The following PAPPA2 variants were observed in gnomAD, a reference collection of about 807,000 sequenced individuals.
The protein encoded by PAPPA2 is pappalysin-2.
Under a neutral mutation model 176.4 loss-of-function variants are expected in PAPPA2, and 86 were observed. The ratio of observed to expected loss-of-function variants is 0.49; its 90% CI spans 0.41 to 0.58. The LOEUF (loss-of-function observed/expected upper bound fraction) is 0.58. PAPPA2 is among the 20% of genes least tolerant of loss of function. The pLI, the probability that PAPPA2 is intolerant of heterozygous loss-of-function variation, is 0.00. For synonymous variants in PAPPA2, 809 were observed against 852.2 expected (o/e 0.95, Z 0.88); for missense variants, 2,073 against 2,256.9 (o/e 0.92, Z 1.65).
At chr1:176,692,498 C>G (rs1324226771) in intron 6 of PAPPA2, among the ~76,000 whole-genome samples, 180 bp downstream of exon 6, 1 of 152,212 alleles carries the variant, frequency 6.6e-6, no homozygotes, top group African/African-American at 2.4e-5. Context: ...CTCATGGGCT[C>G]TCTTGTGAGC....
intron 12 of PAPPA2, among the ~76,000 whole-genome samples, chr1:176,717,729 A>G (rs1661442063): frequency 1.3e-5 from 2 of 152,256 alleles, no homozygotes; most frequent in Admixed American, 6.5e-5. Context: ...TTCTGCATCT[A>G]TTGAGATGAT....
intron 14 of PAPPA2, among the ~76,000 whole-genome samples, chr1:176,749,751 T>C (rs1663080007): frequency 6.6e-6 from 1 of 152,258 alleles, no homozygotes; most frequent in Non-Finnish European, 1.5e-5. Context: ...GATTAGCTTC[T>C]TTCACATTGT....
intron 4 of PAPPA2, among the ~76,000 whole-genome samples, chr1:176,672,583 A>G (rs1659072882): frequency 6.6e-6 from 1 of 152,160 alleles, no homozygotes; most frequent in Admixed American, 6.6e-5. Flanking sequence ...ACCAAAAAAA[A>G]AAAGAAAAGA....
At chr1:176,791,173 A>ATTTTTTTTTTTTTTT (rs57185368) in intron 18 of PAPPA2, among the ~76,000 whole-genome samples, 174 bp from the exon 19 acceptor site, 2 of 80,880 alleles carry the variant, frequency 2.5e-5, no homozygotes, top group Admixed American at 1.3e-4. Context: ...AAAGCAAAGA[A>ATTTTTTTTTTTTTTT]TTTTTTTTTT....
At chr1:176,831,805 G>GT (rs931427435) in intron 21 of PAPPA2, among the ~76,000 whole-genome samples, 2 of 152,152 alleles carry the variant, frequency 1.3e-5, no homozygotes, top group African/African-American at 4.8e-5. Flanking sequence ...ATGGTTTGGG[G>GT]TTTTTTTCAG....
At chr1:176,788,893 T>C (rs1057307467) in intron 17 of PAPPA2, among the ~76,000 whole-genome samples, 3 of 152,230 alleles carry the variant, frequency 2.0e-5, no homozygotes, top group Admixed American at 6.5e-5. Flanking sequence ...AGAAAACTCA[T>C]ATTGCTGCAC....
At chr1:176,682,826 T>C (rs1235072322) in intron 4 of PAPPA2, among the ~76,000 whole-genome samples, 1 of 152,094 alleles carries the variant, frequency 6.6e-6, no homozygotes, top group African/African-American at 2.4e-5. Context: ...CTTTGTCTGC[T>C]CATTGTGGAC....
intron 17 of PAPPA2, among the ~76,000 whole-genome samples, chr1:176,779,476 TCACACACACA>T (rs376976102): frequency 1.4e-3 from 181 of 126,966 alleles, no homozygotes; most frequent in South Asian, 4.8e-3. Flanking sequence ...TCCATACTCA[TCACACACACA>T]CACACACACA....
chr1:176,785,369 T>A (rs1049334278), intron 17 of PAPPA2, among the ~76,000 whole-genome samples: 4 of 151,962 alleles, frequency 2.6e-5, no homozygotes, highest in Admixed American at 6.6e-5. Context: ...GCTAGAAGGC[T>A]GTGGGTGAGG....
In PAPPA2 at chr1:176,543,664, A is replaced by T. The variant is rs115653786; in HGVS notation, c.-916-11743A>T. 5.9e-3 allele frequency among the ~76,000 whole-genome samples: 903 copies of T among 152,144 alleles called. 8 individuals are homozygous for T. Among genetic ancestry groups the T allele is most frequent in the African/African-American group, 0.021 (864 of 41,510 alleles). On this transcript the variant is annotated intron_variant, in intron 1 of 22. Coordinates refer to ENST00000367662, the MANE Select transcript of PAPPA2 (RefSeq NM_020318.3). ...TTCATCTCCAATGCCACACCTGGGG[A>T]TGGTGGAAGGACTGAGAGTGTTCTT...
chr1:176,577,707 T>C (rs1481942152), intron 2 of PAPPA2, among the ~76,000 whole-genome samples: 2 of 152,038 alleles, frequency 1.3e-5, no homozygotes, highest in African/African-American at 4.8e-5. Flanking sequence ...TCATGCTCTC[T>C]CTGGGGGGTC....
At chr1:176,587,138 T>G (rs970658609) in intron 2 of PAPPA2, among the ~76,000 whole-genome samples, 1 of 149,600 alleles carries the variant, frequency 6.7e-6, no homozygotes, top group Non-Finnish European at 1.5e-5. Flanking sequence ...GGGTTGTTTG[T>G]TTTTTTTTTC....
intron 2 of PAPPA2, among the ~76,000 whole-genome samples, chr1:176,569,137 C>A (rs1652161014): frequency 6.6e-6 from 1 of 152,180 alleles, no homozygotes; most frequent in African/African-American, 2.4e-5. Flanking sequence ...CACATGTGCA[C>A]AGATATACAT....
chr1:176,781,365 C>CTTTTTTTTTTTTT lies in PAPPA2; in HGVS notation c.4716-8423_4716-8411dup, dbSNP rs35029858. On this transcript the variant is annotated intron_variant, in intron 17 of 22. Coordinates refer to ENST00000367662, the MANE Select transcript of PAPPA2 (RefSeq NM_020318.3). ...CATGTGAGAAGAGCTTTGTAAGGGGCTTTTTTTTTTTTTTTTTTTTTTTTT... is the reference window on the plus strand; with the variant it reads ...CATGTGAGAAGAGCTTTGTAAGGGGCTTTTTTTTTTTTTTTTTTTTTTTTTTTTTTTTTTTTTT... Among the ~76,000 whole-genome samples, 6 of 46,240 alleles carry CTTTTTTTTTTTTT rather than the reference C, an allele frequency of 1.3e-4. 1 individual carries two copies. The highest frequency in any genetic ancestry group is 1.7e-4 in the African/African-American group (2 of 11,858). 30.3% of individuals were successfully genotyped at this position (46,240 alleles called of 152,430 possible).
intron 11 of PAPPA2, 49 bp from the exon 12 acceptor site, chr1:176,711,786 A>G (rs757566017): frequency 2.6e-6 from 4 of 1,555,080 alleles, no homozygotes; most frequent in Non-Finnish European, 3.5e-6. Context: ...GTCCTTACTT[A>G]TATCTTCACA....
At chr1:176,684,360 G>T (rs546039228) in intron 4 of PAPPA2, among the ~76,000 whole-genome samples, 1 of 152,256 alleles carries the variant, frequency 6.6e-6, no homozygotes, top group East Asian at 1.9e-4. Context: ...AGCCTTGCAG[G>T]ATGGGCGTTG....
chr1:176,568,172 C>A (rs1652095639), intron 2 of PAPPA2, among the ~76,000 whole-genome samples: 1 of 152,092 alleles, frequency 6.6e-6, no homozygotes, highest in Admixed American at 6.5e-5. Flanking sequence ...GACTCAAGGT[C>A]TTGTATTAAA....
At chr1:176,750,289 G>C (rs1163640956) in intron 14 of PAPPA2, among the ~76,000 whole-genome samples, 1 of 152,062 alleles carries the variant, frequency 6.6e-6, no homozygotes, top group Non-Finnish European at 1.5e-5. Context: ...ATAGCCTACT[G>C]ATGCCTGAAA....
At position 176,843,267 on chromosome 1, in the gene PAPPA2, T is replaced by C. The variant is rs1380737368; in HGVS notation, c.*813T>C. 6.6e-6 allele frequency: 1 copy of C among 152,008 alleles called. No homozygotes were observed. Among genetic ancestry groups the C allele is most frequent in the Non-Finnish European group, 1.5e-5 (1 of 68,036 alleles). 9.4% of individuals were successfully genotyped at this position (152,008 alleles called of 1,614,324 possible). A position where few individuals can be genotyped will look rare whatever the true frequency, so the allele number is the denominator to read the frequency against. On this transcript the variant is annotated 3_prime_UTR_variant, in exon 23 of 23. Coordinates refer to ENST00000367662, the MANE Select transcript of PAPPA2 (RefSeq NM_020318.3). ...TTTTATGACCTGGGAGCTGGGCCCA[T>C]TTTATGACCAAGGAGATGGGGAGTT...
Sources: allele counts gnomAD v4.1 joint callset (sites outside exome capture counted in the v4.1 genomes callset), GRCh38; gene constraint gnomAD v4.1.1; transcripts MANE v1.5; gene names NCBI Gene and HGNC (gene_info 2026-07-23, HGNC 2026-07-21).